ST6GALNAC3: variants seen among roughly 807,000 people sequenced by gnomAD.
ST6GALNAC3 encodes ST6 N-acetylgalactosaminide alpha-2,6-sialyltransferase 3, also known as alpha-N-acetylgalactosaminide alpha-2,6-sialyltransferase 3.
A neutral mutation model predicts 32.7 loss-of-function variants in ST6GALNAC3; 25 were observed. The observed-to-expected ratio is 0.76, with a 90% CI of 0.56 to 1.07. The LOEUF is 1.07. ST6GALNAC3 is among the 50% of genes least tolerant of loss of function. The pLI is 0.00. For missense variants in ST6GALNAC3, 355 were observed against 382.4 expected (o/e 0.93, Z 0.60); for synonymous variants, 129 against 133.1 (o/e 0.97, Z 0.21).
intron 1 of ST6GALNAC3, among the ~76,000 whole-genome samples, chr1:76,177,870 T>C (rs1272653055): frequency 6.6e-6 from 1 of 152,152 alleles, no homozygotes; most frequent in African/African-American, 2.4e-5. Flanking sequence ...CACTCTTGAG[T>C]GACGGGGCCA....
At chr1:76,511,114 G>A (rs1477398887) in intron 3 of ST6GALNAC3, among the ~76,000 whole-genome samples, 1 of 151,782 alleles carries the variant, frequency 6.6e-6, no homozygotes, top group African/African-American at 2.4e-5. Flanking sequence ...AGGACATCAG[G>A]GTCTTTTGCC....
At chr1:76,444,616 A>C (rs1406621438) in intron 3 of ST6GALNAC3, among the ~76,000 whole-genome samples, 1 of 152,218 alleles carries the variant, frequency 6.6e-6, no homozygotes, top group African/African-American at 2.4e-5. Context: ...TACATGTCAG[A>C]CACCATTGAG....
rs1480938287 is a variant in ST6GALNAC3, at chr1:76,293,799, G to T, written c.19-20006G>T. On this transcript the variant is annotated intron_variant, in intron 1 of 4. Transcript: ENST00000328299. The stretch of plus-strand genomic sequence containing the variant: ...AATTCCTTCTGTTTCTAAATATAAA[G>T]CTTTAAAACAGGCTATATTGATGTT... 5.3e-5 allele frequency among the ~76,000 whole-genome samples: 8 copies of T among 152,050 alleles called. No homozygotes were observed. In the East Asian group the frequency reaches 1.5e-3, roughly 29 times the overall value.
chr1:76,535,354 T>C (rs1425422128), intron 3 of ST6GALNAC3, among the ~76,000 whole-genome samples: 1 of 152,208 alleles, frequency 6.6e-6, no homozygotes, highest in African/African-American at 2.4e-5. Flanking sequence ...TACCAGGAAT[T>C]CTAGTATCAC....
intron 1 of ST6GALNAC3, among the ~76,000 whole-genome samples, chr1:76,261,829 A>C (rs753943841): frequency 1.3e-5 from 2 of 152,190 alleles, no homozygotes; most frequent in African/African-American, 4.8e-5. Context: ...TAACCAAAAA[A>C]TGTTTGGAAA....
At chr1:76,384,754 G>A (rs1651965860) in intron 2 of ST6GALNAC3, among the ~76,000 whole-genome samples, 1 of 151,942 alleles carries the variant, frequency 6.6e-6, no homozygotes, top group African/African-American at 2.4e-5. Flanking sequence ...TACACTTAAT[G>A]CTGTGACCCA....
At chr1:76,498,830 G>A (rs922843189) in intron 3 of ST6GALNAC3, among the ~76,000 whole-genome samples, 4 of 151,982 alleles carry the variant, frequency 2.6e-5, no homozygotes, top group African/African-American at 9.7e-5. Flanking sequence ...TGTCTGGGAA[G>A]AGACTCTGCT....
At chr1:76,337,597 G>T (rs1647607476) in intron 2 of ST6GALNAC3, among the ~76,000 whole-genome samples, 1 of 152,102 alleles carries the variant, frequency 6.6e-6, no homozygotes, top group African/African-American at 2.4e-5. Flanking sequence ...TGGCCTGGGG[G>T]TCACGATCTC....
At chr1:76,119,061 T>A (rs1010138166) in intron 1 of ST6GALNAC3, among the ~76,000 whole-genome samples, 2 of 152,166 alleles carry the variant, frequency 1.3e-5, no homozygotes, top group Non-Finnish European at 2.9e-5. Context: ...GACCTTGTGA[T>A]CCACCCACCA....
chr1:76,400,455 A>G (rs1264570682), intron 2 of ST6GALNAC3, among the ~76,000 whole-genome samples: 1 of 152,180 alleles, frequency 6.6e-6, no homozygotes, highest in African/African-American at 2.4e-5. Flanking sequence ...AACTATGAAT[A>G]TTTAGATTTT....
intron 1 of ST6GALNAC3, among the ~76,000 whole-genome samples, chr1:76,203,784 C>A (rs1654670440): frequency 6.6e-6 from 1 of 151,934 alleles, no homozygotes; most frequent in South Asian, 2.1e-4. Context: ...TTTCAGGGTA[C>A]CTGTGATAAT....
intron 3 of ST6GALNAC3, among the ~76,000 whole-genome samples, chr1:76,601,188 A>T (rs1350310822): frequency 6.6e-6 from 1 of 152,178 alleles, no homozygotes; most frequent in Non-Finnish European, 1.5e-5. Flanking sequence ...ATAGAGCAAG[A>T]TTCTGTCAAA....
At chr1:76,409,484 A>G (rs1654062697) in intron 2 of ST6GALNAC3, among the ~76,000 whole-genome samples, 1 of 151,664 alleles carries the variant, frequency 6.6e-6, no homozygotes, top group Non-Finnish European at 1.5e-5. Context: ...AACTGTTAGC[A>G]TCCAAAATGC....
intron 1 of ST6GALNAC3, among the ~76,000 whole-genome samples, chr1:76,217,412 A>G (rs1468288275): frequency 2.0e-5 from 3 of 152,190 alleles, no homozygotes; most frequent in African/African-American, 7.2e-5. Context: ...CTTTATTTCT[A>G]TATGTGGCAG....
chr1:76,080,732 T>G (rs1314239042), intron 1 of ST6GALNAC3, among the ~76,000 whole-genome samples: 1 of 152,078 alleles, frequency 6.6e-6, no homozygotes, highest in Non-Finnish European at 1.5e-5. Flanking sequence ...CAGTATGGCT[T>G]CACTGAGACT....
intron 3 of ST6GALNAC3, among the ~76,000 whole-genome samples, chr1:76,462,190 A>G (rs1658323155): frequency 6.6e-6 from 1 of 152,046 alleles, no homozygotes; most frequent in African/African-American, 2.4e-5. Context: ...GACTCAACAC[A>G]GAACAGGAGT....
rs879436062 is a variant in ST6GALNAC3, at chr1:76,510,376, G to GA, written c.623+97970dup. Among the ~76,000 whole-genome samples, 482 of 145,524 alleles carry GA rather than the reference G, an allele frequency of 3.3e-3. 2 individuals carry two copies. Among genetic ancestry groups the GA allele is most frequent in the Non-Finnish European group, 4.7e-3 (311 of 65,928 alleles). The stretch of plus-strand genomic sequence containing the variant: ...GGACTTTGTGCCAGGTGGGTGCTAG[G>GA]AAAAAAAAAAATGAGACACAGCCTT... On this transcript the variant is annotated intron_variant, in intron 3 of 4. Transcript: ENST00000328299.
intron 1 of ST6GALNAC3, among the ~76,000 whole-genome samples, chr1:76,118,658 A>G: frequency 6.6e-6 from 1 of 152,184 alleles, no homozygotes; most frequent in Non-Finnish European, 1.5e-5. Context: ...ATGCTTGCAA[A>G]AGGTACAGTT....
At chr1:76,217,449 A>G (rs1358044242) in intron 1 of ST6GALNAC3, among the ~76,000 whole-genome samples, 2 of 152,240 alleles carry the variant, frequency 1.3e-5, no homozygotes, top group African/African-American at 2.4e-5. Context: ...CTCAGCATAA[A>G]TAGTGCCTCC....
Sources: allele counts gnomAD v4.1 joint callset (sites outside exome capture counted in the v4.1 genomes callset), GRCh38; gene constraint gnomAD v4.1.1; transcripts MANE v1.5; gene names NCBI Gene and HGNC (gene_info 2026-07-23, HGNC 2026-07-21).